Variants in PPARGC1A observed in about 807,000 individuals in gnomAD.
PPARGC1A encodes the protein PPARG coactivator 1 alpha.
A neutral mutation model predicts 88.7 loss-of-function variants in PPARGC1A; 25 were observed. The ratio of observed to expected loss-of-function variants is 0.28; its 90% CI spans 0.21 to 0.39. The LOEUF is 0.39. PPARGC1A is among the 10% of genes least tolerant of loss of function. The pLI is 1.00. For missense variants in PPARGC1A, 880 were observed against 968.7 expected, an observed-to-expected ratio of 0.91 and a Z score of 1.22; for synonymous variants, 363 against 355.6, an observed-to-expected ratio of 1.02 and a Z score of -0.24.
chr4:23,937,119 T>C, the PPARGC1A span, among the ~76,000 whole-genome samples: 72 of 151,710 alleles, frequency 4.7e-4, 1 homozygote, highest in East Asian at 0.013. Context: ...GATACACCTC[T>C]TTTACCAGAA....
chr4:24,314,496 C>T, the PPARGC1A span, among the ~76,000 whole-genome samples: 1 of 152,164 alleles, frequency 6.6e-6, no homozygotes, highest in African/African-American at 2.4e-5. Context: ...TTAGCCAGCC[C>T]CTTGCTCTTG....
chr4:24,468,122 G>A, the PPARGC1A span, among the ~76,000 whole-genome samples: 1 of 152,276 alleles, frequency 6.6e-6, no homozygotes, highest in South Asian at 2.1e-4. Context: ...GGCTTACATA[G>A]TGACAGCTAA....
the PPARGC1A span, among the ~76,000 whole-genome samples, chr4:24,049,596 G>A: frequency 1.3e-5 from 2 of 151,898 alleles, no homozygotes; most frequent in African/African-American, 4.8e-5. Flanking sequence ...TTTACTTCCT[G>A]GGCCTTTGTG....
At chr4:23,812,690 C>G in intron 10 of PPARGC1A, 57 bp downstream of exon 10, 1 of 1,600,640 alleles carries the variant, frequency 6.2e-7, no homozygotes, top group South Asian at 1.1e-5. Flanking sequence ...CCAAAAAAAG[C>G]ACACAGAAAA....
chr4:24,271,451 C>T, the PPARGC1A span, among the ~76,000 whole-genome samples: 1 of 152,122 alleles, frequency 6.6e-6, no homozygotes, highest in Non-Finnish European at 1.5e-5. Flanking sequence ...AATCTCAGCT[C>T]ACTGTAAGCT....
At chr4:24,307,719 G>T in the PPARGC1A span, among the ~76,000 whole-genome samples, 604 of 152,282 alleles carry the variant, frequency 4.0e-3, 5 homozygotes, top group African/African-American at 0.014. Context: ...GATCTGGTTC[G>T]GAAGATGAAG....
the PPARGC1A span, among the ~76,000 whole-genome samples, chr4:24,320,920 G>A: frequency 1.3e-5 from 2 of 152,172 alleles, no homozygotes; most frequent in Non-Finnish European, 2.9e-5. Context: ...ACGGTCCTCT[G>A]AAATGACTAA....
the PPARGC1A span, among the ~76,000 whole-genome samples, chr4:24,282,897 C>T: frequency 6.6e-6 from 1 of 152,054 alleles, no homozygotes; most frequent in Non-Finnish European, 1.5e-5. Flanking sequence ...AAGCGAGAAC[C>T]TGAGAATAAG....
chr4:23,977,719 A>C, the PPARGC1A span, among the ~76,000 whole-genome samples: 169 of 152,366 alleles, frequency 1.1e-3, no homozygotes, highest in African/African-American at 4.0e-3. Context: ...AAAGCAATGG[A>C]TAGCTCGAAG....
the PPARGC1A span, among the ~76,000 whole-genome samples, chr4:23,928,806 A>G: frequency 1.3e-5 from 2 of 151,464 alleles, no homozygotes; most frequent in Non-Finnish European, 1.5e-5. Context: ...CCAAGATCAT[A>G]TCTTTTGTAG....
At chr4:24,095,105 G>C in the PPARGC1A span, among the ~76,000 whole-genome samples, 4 of 140,744 alleles carry the variant, frequency 2.8e-5, no homozygotes, top group East Asian at 8.4e-4. Flanking sequence ...CCCTTATTTA[G>C]AAATAGGGTC....
At chr4:24,126,682 G>A in the PPARGC1A span, among the ~76,000 whole-genome samples, 1 of 152,094 alleles carries the variant, frequency 6.6e-6, no homozygotes, top group Non-Finnish European at 1.5e-5. Flanking sequence ...CAGCAAGTGT[G>A]GAAAAAGGTG....
chr4:23,887,773 G>C (rs562474435), intron 1 of PPARGC1A, among the ~76,000 whole-genome samples: 9 of 152,064 alleles, frequency 5.9e-5, no homozygotes, highest in Non-Finnish European at 1.0e-4. Flanking sequence ...AGAAGAAGGA[G>C]TGGACTTGGC....
At chr4:24,267,924 A>G in the PPARGC1A span, among the ~76,000 whole-genome samples, 1 of 152,194 alleles carries the variant, frequency 6.6e-6, no homozygotes, top group Non-Finnish European at 1.5e-5. Flanking sequence ...CTAGCAATCT[A>G]CAAACAACAG....
At chr4:23,987,694 C>A in the PPARGC1A span, among the ~76,000 whole-genome samples, 1 of 151,932 alleles carries the variant, frequency 6.6e-6, no homozygotes, top group Non-Finnish European at 1.5e-5. Flanking sequence ...TCCGACCTGT[C>A]TCATTTCTCC....
chr4:24,319,278 G>T, the PPARGC1A span, among the ~76,000 whole-genome samples: 1 of 152,118 alleles, frequency 6.6e-6, no homozygotes, highest in Non-Finnish European at 1.5e-5. Context: ...GGTGTTCGAG[G>T]CTACAATGAG....
intron 2 of PPARGC1A, among the ~76,000 whole-genome samples, chr4:23,853,444 A>T (rs1729666010): frequency 6.6e-6 from 1 of 152,182 alleles, no homozygotes; most frequent in African/African-American, 2.4e-5. Flanking sequence ...CCTCAGATCA[A>T]TGAGACACAT....
At chr4:23,963,214 G>A in the PPARGC1A span, among the ~76,000 whole-genome samples, 2 of 152,146 alleles carry the variant, frequency 1.3e-5, no homozygotes, top group South Asian at 2.1e-4. Flanking sequence ...ATGATTGTTC[G>A]TCAAAGGAAA....
At chr4:24,221,547 T>C in the PPARGC1A span, among the ~76,000 whole-genome samples, 1 of 152,210 alleles carries the variant, frequency 6.6e-6, no homozygotes, top group East Asian at 1.9e-4. Context: ...AATGTATTAC[T>C]AATCTTTACC....
Sources: allele counts gnomAD v4.1 joint callset (sites outside exome capture counted in the v4.1 genomes callset), GRCh38; gene constraint gnomAD v4.1.1; transcripts MANE v1.5; gene names NCBI Gene and HGNC (gene_info 2026-07-23, HGNC 2026-07-21).